The following AGBL4 variants were observed in gnomAD, a reference collection of about 807,000 sequenced individuals.
The protein encoded by AGBL4 is AGBL carboxypeptidase 4.
In AGBL4, 58 loss-of-function variants were observed where a neutral mutation model predicts 66.4. The observed-to-expected ratio is 0.87, with a 90% CI of 0.71 to 1.09. The LOEUF (loss-of-function observed/expected upper bound fraction) is 1.09. AGBL4 is among the 50% of genes least tolerant of loss of function. The pLI is 0.00. For synonymous variants in AGBL4, 234 were observed against 222.9 expected (o/e 1.05, Z -0.44); for missense variants, 579 against 631.0 (o/e 0.92, Z 0.88).
intron 2 of AGBL4, among the ~76,000 whole-genome samples, chr1:49,752,814 C>A (rs76027865): frequency 1.4e-4 from 21 of 152,138 alleles, no homozygotes; most frequent in African/African-American, 5.1e-4. Flanking sequence ...ATCCCTTTAC[C>A]ATTATGTAAT....
At chr1:48,899,632 T>C (rs932738976) in intron 5 of AGBL4, among the ~76,000 whole-genome samples, 1 of 152,206 alleles carries the variant, frequency 6.6e-6, no homozygotes, top group Admixed American at 6.5e-5. Flanking sequence ...TTTTCTTTCC[T>C]GTTCTTCTTA....
intron 4 of AGBL4, among the ~76,000 whole-genome samples, chr1:49,098,729 T>C (rs1264779447): frequency 6.6e-6 from 1 of 152,172 alleles, no homozygotes; most frequent in Non-Finnish European, 1.5e-5. Flanking sequence ...AAATCTGGAC[T>C]ATTAAGAATT....
chr1:49,182,029 C>T (rs536815220), intron 4 of AGBL4, among the ~76,000 whole-genome samples: 10 of 152,252 alleles, frequency 6.6e-5, no homozygotes, highest in Admixed American at 3.3e-4. Flanking sequence ...CTGAGGCATA[C>T]GACTAACTGC....
chr1:48,613,142 A>G (rs868830258), intron 9 of AGBL4, among the ~76,000 whole-genome samples: 2 of 152,198 alleles, frequency 1.3e-5, no homozygotes, highest in Admixed American at 6.5e-5. Context: ...TCAAAAAAAA[A>G]AGAGAGATTA....
chr1:49,586,310 C>T (rs942334205), intron 3 of AGBL4, among the ~76,000 whole-genome samples: 1 of 152,150 alleles, frequency 6.6e-6, no homozygotes, highest in Non-Finnish European at 1.5e-5. Flanking sequence ...TCAGAGTATG[C>T]CTAGAGAATG....
At chr1:49,072,798 G>T (rs972385657) in intron 4 of AGBL4, among the ~76,000 whole-genome samples, 3 of 152,152 alleles carry the variant, frequency 2.0e-5, no homozygotes, top group African/African-American at 4.8e-5. Flanking sequence ...TGCCTTGCTA[G>T]GTTGGGGAAG....
intron 10 of AGBL4, among the ~76,000 whole-genome samples, chr1:48,588,606 G>T (rs1385853909): frequency 6.6e-6 from 1 of 151,326 alleles, no homozygotes; most frequent in African/African-American, 2.4e-5. Flanking sequence ...AAGAGATAAA[G>T]TAAACACCAA....
At chr1:49,842,292 G>A in intron 2 of AGBL4, 1 of 476,002 alleles carries the variant, frequency 2.1e-6, no homozygotes, top group Admixed American at 2.6e-5. Flanking sequence ...GTCTCTGTAG[G>A]ACATTGGTTA....
intron 3 of AGBL4, among the ~76,000 whole-genome samples, chr1:49,602,941 T>A (rs965359491): frequency 1.3e-5 from 2 of 152,102 alleles, no homozygotes; most frequent in African/African-American, 4.8e-5. Flanking sequence ...TTGTACTGAG[T>A]GCTTCAAATA....
intron 4 of AGBL4, among the ~76,000 whole-genome samples, chr1:49,046,002 C>G (rs1305456171): frequency 6.6e-6 from 1 of 152,150 alleles, no homozygotes; most frequent in East Asian, 1.9e-4. Context: ...CCAGTGCCAC[C>G]CTTTCTCAAC....
intron 5 of AGBL4, among the ~76,000 whole-genome samples, chr1:48,919,934 T>C (rs565410817): frequency 2.0e-5 from 3 of 152,278 alleles, no homozygotes; most frequent in Non-Finnish European, 2.9e-5. Flanking sequence ...AAGAAATCCT[T>C]CTTCTCTTGT....
intron 4 of AGBL4, among the ~76,000 whole-genome samples, chr1:49,167,391 T>C (rs1458654539): frequency 6.6e-6 from 1 of 152,182 alleles, no homozygotes; most frequent in Non-Finnish European, 1.5e-5. Context: ...AGAGATACCC[T>C]CTACTAGAAA....
chr1:48,837,704 ACACACACTATATATATATAT>A (rs1646712113), intron 6 of AGBL4, among the ~76,000 whole-genome samples: 1 of 93,082 alleles, frequency 1.1e-5, no homozygotes, highest in Non-Finnish European at 2.1e-5. Flanking sequence ...ACACGCACAC[ACACACACTATATATATATAT>A]ATATATATAT....
At chr1:49,501,799 T>C (rs545233816) in intron 3 of AGBL4, among the ~76,000 whole-genome samples, 2 of 152,070 alleles carry the variant, frequency 1.3e-5, no homozygotes, top group Non-Finnish European at 2.9e-5. Context: ...AATTTTGATA[T>C]GTTGAGTTTT....
chr1:49,621,793 A>G (rs1645365194), intron 3 of AGBL4, among the ~76,000 whole-genome samples: 1 of 152,194 alleles, frequency 6.6e-6, no homozygotes, highest in South Asian at 2.1e-4. Context: ...CCAAGGTATG[A>G]TACAATCTGT....
chr1:49,984,606 C>T (rs778104709), intron 1 of AGBL4, among the ~76,000 whole-genome samples: 6 of 152,144 alleles, frequency 3.9e-5, no homozygotes, highest in Non-Finnish European at 7.3e-5. Flanking sequence ...TATCTTTGGT[C>T]TTTGCCAGAG....
chr1:49,317,077 T>G (rs1645051764), intron 3 of AGBL4, among the ~76,000 whole-genome samples: 1 of 151,938 alleles, frequency 6.6e-6, no homozygotes, highest in African/African-American at 2.4e-5. Context: ...TCTATCTGTT[T>G]ATATCTATGT....
At position 48,590,135 on chromosome 1, in the gene AGBL4, T is replaced by C. The variant is rs759874101; in HGVS notation, c.1104+698A>G. 9.6e-4 allele frequency among the ~76,000 whole-genome samples: 146 copies of C among 152,230 alleles called. 1 individual carries two copies. The highest frequency in any genetic ancestry group is 6.8e-3 in the Middle Eastern group (2 of 294). On this transcript the variant is annotated intron_variant, in intron 10 of 13. Transcript: ENST00000371839. ...ATTAGCCAGTAGCGGCCAGGCGCGG[T>C]GGCTCACGCCTGTAATCCCAGCACA...
intron 3 of AGBL4, among the ~76,000 whole-genome samples, chr1:49,541,479 C>G (rs1652018692): frequency 6.6e-6 from 1 of 152,200 alleles, no homozygotes; most frequent in South Asian, 2.1e-4. Flanking sequence ...GCACCCGGGC[C>G]AGGAGCTGTG....
Sources: allele counts gnomAD v4.1 joint callset (sites outside exome capture counted in the v4.1 genomes callset), GRCh38; gene constraint gnomAD v4.1.1; transcripts MANE v1.5; gene names NCBI Gene and HGNC (gene_info 2026-07-23, HGNC 2026-07-21).